Variants in PIP4K2A observed in about 807,000 individuals in gnomAD.
The protein encoded by PIP4K2A is phosphatidylinositol-5-phosphate 4-kinase type 2 alpha.
PIP4K2A carries 14 observed loss-of-function variants against 42.9 expected under a neutral mutation model. That is an observed-to-expected ratio of 0.33 (90% CI 0.22 to 0.51). PIP4K2A has a LOEUF of 0.51. Ranked by LOEUF, PIP4K2A falls within the 20% of genes least tolerant of loss-of-function variation. The pLI, the probability that PIP4K2A is intolerant of heterozygous loss-of-function variation, is 0.97. For missense variants in PIP4K2A, 434 were observed against 519.8 expected (o/e 0.83, Z 1.61); for synonymous variants, 192 against 192.2 (o/e 1.00, Z 0.01).
intron 3 of PIP4K2A, among the ~76,000 whole-genome samples, chr10:22,605,176 A>G (rs1175747215): frequency 1.3e-5 from 2 of 151,970 alleles, no homozygotes; most frequent in Non-Finnish European, 2.9e-5. Context: ...GTGACTCTGA[A>G]TACACACTTT....
intron 7 of PIP4K2A, among the ~76,000 whole-genome samples, chr10:22,546,799 T>C (rs1016801667): frequency 6.6e-6 from 1 of 152,158 alleles, no homozygotes; most frequent in African/African-American, 2.4e-5. Context: ...AGCTCGCAGA[T>C]GGAAAGAGAA....
intron 1 of PIP4K2A, among the ~76,000 whole-genome samples, chr10:22,697,505 C>T (rs897862828): frequency 6.6e-6 from 1 of 152,112 alleles, no homozygotes; most frequent in Admixed American, 6.6e-5. Context: ...CACTTGAGCC[C>T]AGGAGTTCAA....
At chr10:22,549,893 C>A (rs1171917315) in intron 7 of PIP4K2A, among the ~76,000 whole-genome samples, 7 of 145,626 alleles carry the variant, frequency 4.8e-5, no homozygotes, top group African/African-American at 1.3e-4. Flanking sequence ...AGAAAATAAC[C>A]TTTTTTTCCT....
intron 1 of PIP4K2A, among the ~76,000 whole-genome samples, chr10:22,667,910 T>TA (rs1419231768): frequency 3.2e-5 from 4 of 124,890 alleles, no homozygotes; most frequent in Non-Finnish European, 7.1e-5. Flanking sequence ...TGTGTGTGTG[T>TA]GTGTGTAGAG....
chr10:22,550,362 G>A (rs1836374113), intron 7 of PIP4K2A, among the ~76,000 whole-genome samples: 1 of 152,226 alleles, frequency 6.6e-6, no homozygotes, highest in Non-Finnish European at 1.5e-5. Flanking sequence ...GGGCAGGTCA[G>A]TCTTCATGGG....
At chr10:22,672,959 T>C (rs1200659673) in intron 1 of PIP4K2A, among the ~76,000 whole-genome samples, 3 of 152,224 alleles carry the variant, frequency 2.0e-5, no homozygotes, top group Non-Finnish European at 4.4e-5. Flanking sequence ...GCTTCACTTC[T>C]AGGTAAGGAA....
intron 7 of PIP4K2A, among the ~76,000 whole-genome samples, chr10:22,548,725 C>T (rs901075400): frequency 1.3e-5 from 2 of 152,142 alleles, no homozygotes; most frequent in African/African-American, 4.8e-5. Context: ...GAAAAGCAAA[C>T]ACTTGTATCG....
intron 6 of PIP4K2A, among the ~76,000 whole-genome samples, chr10:22,552,453 A>G (rs937757904): frequency 6.6e-6 from 1 of 152,210 alleles, no homozygotes; most frequent in Non-Finnish European, 1.5e-5. Flanking sequence ...AATAATTTTA[A>G]AATAATGCAA....
At chr10:22,564,106 G>A (rs924727462) in intron 6 of PIP4K2A, among the ~76,000 whole-genome samples, 1 of 152,178 alleles carries the variant, frequency 6.6e-6, no homozygotes, top group African/African-American at 2.4e-5. Flanking sequence ...GTGAACTGTG[G>A]TTCATGCCCT....
intron 1 of PIP4K2A, among the ~76,000 whole-genome samples, chr10:22,639,451 G>C (rs545704374): frequency 6.7e-6 from 1 of 150,144 alleles, no homozygotes; most frequent in Admixed American, 6.6e-5. Context: ...TTAGGATTAA[G>C]AGGTTTTTTT....
chr10:22,706,992 A>G (rs1386687255), intron 1 of PIP4K2A, among the ~76,000 whole-genome samples: 2 of 152,158 alleles, frequency 1.3e-5, no homozygotes, highest in African/African-American at 4.8e-5. Context: ...GATATTAAAA[A>G]AAAAAATAGG....
At chr10:22,613,687 G>A (rs1352329248) in intron 1 of PIP4K2A, among the ~76,000 whole-genome samples, 4 of 152,136 alleles carry the variant, frequency 2.6e-5, no homozygotes, top group Admixed American at 6.5e-5. Flanking sequence ...CTGGGCTTCC[G>A]GGCAGAGCTG....
intron 1 of PIP4K2A, among the ~76,000 whole-genome samples, chr10:22,629,839 T>C (rs1838514203): frequency 6.6e-6 from 1 of 152,222 alleles, no homozygotes; most frequent in African/African-American, 2.4e-5. Context: ...ATAATAAAAG[T>C]GTTCAATTCT....
intron 6 of PIP4K2A, among the ~76,000 whole-genome samples, chr10:22,564,707 T>C (rs558634403): frequency 7.9e-5 from 12 of 152,252 alleles, no homozygotes; most frequent in South Asian, 4.2e-4. Flanking sequence ...TAGGCGAAGG[T>C]TGAATTCTCA....
At chr10:22,711,132 G>C (rs1414764743) in intron 1 of PIP4K2A, among the ~76,000 whole-genome samples, 3 of 152,172 alleles carry the variant, frequency 2.0e-5, no homozygotes, top group African/African-American at 7.2e-5. Context: ...TCACTGATGG[G>C]TATTTTAAGT....
intron 3 of PIP4K2A, among the ~76,000 whole-genome samples, chr10:22,593,850 C>A (rs1451788837): frequency 6.6e-6 from 1 of 152,164 alleles, no homozygotes; most frequent in Non-Finnish European, 1.5e-5. Context: ...ACGTGTAAAA[C>A]AACTTTTGGG....
chr10:22,535,971 G>GC lies in PIP4K2A; in HGVS notation c.*1229dup. The stretch of plus-strand genomic sequence containing the variant: ...AAAACACTCACGTAAAAACATGGCT[G>GC]CAGGATACGTCTCAAAATATGACAA... On this transcript the variant is annotated 3_prime_UTR_variant, in exon 10 of 10. Coordinates refer to ENST00000376573, the MANE Select transcript of PIP4K2A (RefSeq NM_005028.5). 2.5e-6 allele frequency: 1 copy of GC among 395,526 alleles called. No homozygotes were observed. Among genetic ancestry groups the GC allele is most frequent in the Non-Finnish European group, 4.5e-6 (1 of 224,490 alleles). The allele number at this position is 395,526 out of a possible 1,614,324, so 24.5% of individuals were successfully genotyped here. A position where few individuals can be genotyped will look rare whatever the true frequency, so the allele number is the denominator to read the frequency against.
chr10:22,590,404 T>C (rs1366669320), intron 4 of PIP4K2A, among the ~76,000 whole-genome samples: 1 of 152,222 alleles, frequency 6.6e-6, no homozygotes, highest in East Asian at 1.9e-4. Context: ...TTTTATACCA[T>C]GGATGTTATC....
At chr10:22,654,799 G>C (rs983852525) in intron 1 of PIP4K2A, among the ~76,000 whole-genome samples, 1 of 152,132 alleles carries the variant, frequency 6.6e-6, no homozygotes, top group Non-Finnish European at 1.5e-5. Flanking sequence ...TATATCTCAA[G>C]GCAGCAAATG....
Sources: allele counts gnomAD v4.1 joint callset (sites outside exome capture counted in the v4.1 genomes callset), GRCh38; gene constraint gnomAD v4.1.1; transcripts MANE v1.5; gene names NCBI Gene and HGNC (gene_info 2026-07-23, HGNC 2026-07-21).